TTC23L: variants seen among roughly 807,000 people sequenced by gnomAD.
TTC23L encodes tetratricopeptide repeat domain 23 like, also known as tetratricopeptide repeat protein 23-like.
TTC23L carries 42 observed loss-of-function variants against 48.1 expected under a neutral mutation model. That is an observed-to-expected ratio of 0.87 (90% CI 0.68 to 1.13). TTC23L has a LOEUF of 1.13. Ranked by LOEUF, TTC23L falls within the 50% of genes most tolerant of loss-of-function variation. The pLI, the probability that TTC23L is intolerant of heterozygous loss-of-function variation, is 0.00. For synonymous variants in TTC23L, 159 were observed against 157.2 expected (o/e 1.01, Z -0.09); for missense variants, 391 against 421.0 (o/e 0.93, Z 0.62).
At chr5:34,881,751 G>T (rs541266614) in intron 9 of TTC23L, among the ~76,000 whole-genome samples, 1 of 147,428 alleles carries the variant, frequency 6.8e-6, no homozygotes, top group African/African-American at 2.5e-5. Flanking sequence ...GATATTTTCT[G>T]TTGGTTTAGA....
intron 4 of TTC23L, among the ~76,000 whole-genome samples, chr5:34,857,491 G>A (rs1279164342): frequency 1.3e-5 from 2 of 152,096 alleles, no homozygotes; most frequent in South Asian, 2.1e-4. Flanking sequence ...TAAAAACCGG[G>A]TAATCTGACC....
chr5:34,904,924 T>C, the TTC23L span, among the ~76,000 whole-genome samples: 2 of 152,246 alleles, frequency 1.3e-5, no homozygotes, highest in Non-Finnish European at 2.9e-5. Context: ...TGAATACCTC[T>C]AGTTTTGCCA....
chr5:34,856,459 C>T (rs1173003118), intron 4 of TTC23L, among the ~76,000 whole-genome samples: 3 of 152,162 alleles, frequency 2.0e-5, no homozygotes, highest in Non-Finnish European at 4.4e-5. Flanking sequence ...ACCTGTAATA[C>T]ATTTTCACTT....
intron 9 of TTC23L, among the ~76,000 whole-genome samples, chr5:34,888,823 T>G (rs1484262165): frequency 6.6e-6 from 1 of 152,170 alleles, no homozygotes; most frequent in Non-Finnish European, 1.5e-5. Context: ...AAGACAAGGT[T>G]GTTGTTGATC....
chr5:34,902,921 T>C (rs887632806), downstream of TTC23L, among the ~76,000 whole-genome samples: 2 of 151,626 alleles, frequency 1.3e-5, no homozygotes, highest in Non-Finnish European at 2.9e-5. Context: ...GCTTCCATTT[T>C]CACATACGTA....
At chr5:34,862,995 C>A (rs775793618) in exon 5 of TTC23L, 2 of 1,613,982 alleles carry the variant, frequency 1.2e-6, no homozygotes, top group Non-Finnish European at 1.7e-6. Context: ...AAGAGGAAAT[C>A]CTGGAAGCTC....
intron 8 of TTC23L, among the ~76,000 whole-genome samples, chr5:34,875,316 A>G (rs1450185435): frequency 6.6e-6 from 1 of 152,194 alleles, no homozygotes; most frequent in African/African-American, 2.4e-5. Flanking sequence ...CTAATAGGAT[A>G]GATACATATA....
At chr5:34,884,960 C>T (rs1021633300) in intron 9 of TTC23L, among the ~76,000 whole-genome samples, 1 of 152,178 alleles carries the variant, frequency 6.6e-6, no homozygotes, top group East Asian at 1.9e-4. Flanking sequence ...ATGTCTGTTA[C>T]ATCTGTCAAC....
chr5:34,922,864 C>T, the TTC23L span: 1 of 1,319,354 alleles, frequency 7.6e-7, no homozygotes, highest in Non-Finnish European at 1.1e-6. Context: ...GTTTCACCCC[C>T]ACCTTGGTTT....
intron 2 of TTC23L, among the ~76,000 whole-genome samples, chr5:34,843,404 ATG>A (rs1260737722): frequency 1.3e-5 from 2 of 152,168 alleles, no homozygotes; most frequent in Non-Finnish European, 2.9e-5. Flanking sequence ...CTATAACATG[ATG>A]TTCAAAGCTA....
At position 34,880,186 on chromosome 5, in the gene TTC23L, G is replaced by T. The variant is rs535984245; in HGVS notation, c.955G>T (p.Val319Phe). 3 of 1,608,220 alleles carry T rather than the reference G, an allele frequency of 1.9e-6. No individual in the cohort carries two copies. The South Asian group carries it at 3.4e-5, about 18-fold the overall frequency. The change falls in exon 9 of 11, where the codon GTT becomes TTT. Residue 319 changes from valine to phenylalanine, a missense_variant. Physicochemically the swap from Val to Phe is conservative, Grantham distance 50. Coordinates refer to ENST00000505624, the Ensembl canonical transcript of TTC23L. ...AATTGTTTCAATTTTTCCAGATGCTGTTGAGATATATTTCATAAGAAGTAT... is the reference window on the plus strand; with the variant it reads ...AATTGTTTCAATTTTTCCAGATGCTTTTGAGATATATTTCATAAGAAGTAT...
chr5:34,859,934 C>T (rs977047541), intron 4 of TTC23L, among the ~76,000 whole-genome samples: 4 of 150,172 alleles, frequency 2.7e-5, no homozygotes, highest in African/African-American at 9.8e-5. Flanking sequence ...AGCTCTGCCA[C>T]CCAGGTTCAT....
At chr5:34,920,021 G>T in the TTC23L span, 1 of 475,962 alleles carries the variant, frequency 2.1e-6, no homozygotes, top group South Asian at 2.5e-5. Context: ...TTCAATAACT[G>T]GTCTTCCAAA....
chr5:34,877,361 CTTTT>C (rs796888113), intron 8 of TTC23L, among the ~76,000 whole-genome samples: 6 of 121,088 alleles, frequency 5.0e-5, no homozygotes, highest in East Asian at 2.6e-4. Flanking sequence ...CACCATTGTT[CTTTT>C]TTTTTTTTTT....
At chr5:34,853,312 C>G (rs1759837399) in intron 4 of TTC23L, among the ~76,000 whole-genome samples, 1 of 152,118 alleles carries the variant, frequency 6.6e-6, no homozygotes, top group South Asian at 2.1e-4. Context: ...GAGTGGATCA[C>G]TTGAGGTCAG....
At chr5:34,893,999 G>A (rs1763040316) in intron 9 of TTC23L, among the ~76,000 whole-genome samples, 1 of 152,054 alleles carries the variant, frequency 6.6e-6, no homozygotes, top group African/African-American at 2.4e-5. Context: ...AAAAATACAG[G>A]CAAGAAAACC....
intron 8 of TTC23L, among the ~76,000 whole-genome samples, chr5:34,875,353 T>TA (rs1471111384): frequency 1.3e-5 from 2 of 152,124 alleles, no homozygotes; most frequent in African/African-American, 2.4e-5. Context: ...TTAAGGAATA[T>TA]TAAACTCACA....
intron 9 of TTC23L, among the ~76,000 whole-genome samples, chr5:34,888,762 T>G (rs1762682849): frequency 6.6e-6 from 1 of 152,208 alleles, no homozygotes. Context: ...GCAGTAATAT[T>G]TAGTATTTAT....
the TTC23L span, chr5:34,906,179 C>T: frequency 6.6e-6 from 1 of 152,062 alleles, no homozygotes; most frequent in South Asian, 2.1e-4. Flanking sequence ...TGATCTCGAA[C>T]TTCCTGACCT....
Sources: gnomAD v4.1 joint callset for allele counts (sites outside exome capture counted in the v4.1 genomes callset) on GRCh38, gnomAD v4.1.1 for gene constraint, MANE v1.5 for transcripts, NCBI Gene and HGNC (gene_info 2026-07-23, HGNC 2026-07-21) for gene names.